RASAL3: variants seen among roughly 807,000 people sequenced by gnomAD.
The protein encoded by RASAL3 is RAS protein activator like-3.
Under a neutral mutation model 105.5 loss-of-function variants are expected in RASAL3, and 74 were observed. That is an observed-to-expected ratio of 0.70 (90% CI 0.58 to 0.85). The LOEUF (loss-of-function observed/expected upper bound fraction) is 0.85, where lower values mean the gene tolerates loss of function less well. Among genes scored for constraint, RASAL3 ranks in the 40% least tolerant of loss-of-function variants. The pLI is 0.00. For missense variants in RASAL3, 1,352 were observed against 1,392.0 expected, an observed-to-expected ratio of 0.97 and a Z score of 0.46; for synonymous variants, 579 against 591.6, an observed-to-expected ratio of 0.98 and a Z score of 0.31.
chr19:15,463,335 C>T (rs1390276707), intron 2 of RASAL3, among the ~76,000 whole-genome samples: 1 of 152,054 alleles, frequency 6.6e-6, no homozygotes, highest in Non-Finnish European at 1.5e-5. Flanking sequence ...TCAGGTGATC[C>T]ACCCACCTTG....
At position 15,451,883 on chromosome 19, in the gene RASAL3, T is replaced by C; in HGVS notation, c.2948A>G (p.Gln983Arg). 1 of 1,609,594 alleles carries C rather than the reference T, an allele frequency of 6.2e-7. No homozygotes were observed. ...CGTCCTTGGAGAAAGCTGCAGGCTC[T>C]GGACAGCATCCCTCAGCTGAGCCTG... is the stretch of plus-strand genomic sequence containing the variant. ...RTQAQLRDAV[Q>R]SLQLSPRTRG... The change falls in exon 18 of 18, where the codon CAG becomes CGG. Residue 983 changes from glutamine (Q) to arginine (R), a missense_variant. Around this residue, in one of 3 missense-constraint regions of RASAL3, gnomAD observed 920 missense variants for 919.6 expected, o/e 1.00. Transcript: ENST00000343625.
Position 15,451,670 on chromosome 19 carries a change from T to G in RASAL3, c.*125A>C. Reference sequence around the variant, plus strand: ...ACTGGGCAACTTCATACTGCCAGAGTGGTTGGGACCAGCAGCTCCACTCCC... The same window carrying G: ...ACTGGGCAACTTCATACTGCCAGAGGGGTTGGGACCAGCAGCTCCACTCCC... On this transcript the variant is annotated 3_prime_UTR_variant, in exon 18 of 18. Transcript: ENST00000343625. 1 of 985,130 alleles carries G rather than the reference T, an allele frequency of 1.0e-6. No homozygotes were observed. 61.0% of individuals were successfully genotyped at this position (985,130 alleles called of 1,614,324 possible). A position where few individuals can be genotyped will look rare whatever the true frequency, so the allele number is the denominator to read the frequency against.
chr19:15,458,115 A>G, intron 8 of RASAL3: 1 of 630,172 alleles, frequency 1.6e-6, no homozygotes, highest in Non-Finnish European at 2.8e-6. Flanking sequence ...CTTTGGGTGC[A>G]TATGGGGCCG....
At position 15,454,730 on chromosome 19, in the gene RASAL3, G is replaced by A. The variant is rs762196872; in HGVS notation, c.1885C>T (p.His629Tyr). 12 of 1,610,156 alleles carry A rather than the reference G, an allele frequency of 7.5e-6. No homozygotes were observed. The Admixed American group carries it at 1.7e-4, about 23-fold the overall frequency. ...GTGCGGGCTGGGCCGGGTGCTGGAT[G>A]GTCTGGTGCCAAACCAAAGAGGCTG... ...APSLFGLAPD[H>Y]PAPGPARTLT... is the part of the protein sequence containing the mutation. The change falls in exon 12 of 18, where the codon CAT becomes TAT. Residue 629 changes from histidine to tyrosine, a missense_variant. Transcript: ENST00000343625.
intron 16 of RASAL3, 70 bp from the exon 17 acceptor site, chr19:15,452,178 G>C: frequency 6.7e-7 from 1 of 1,502,274 alleles, no homozygotes; most frequent in Non-Finnish European, 9.3e-7. Context: ...TGGTGGGAGT[G>C]CCAGGGACTC....
intron 5 of RASAL3, 143 bp downstream of exon 5, chr19:15,460,917 C>A: frequency 1.4e-6 from 1 of 737,286 alleles, no homozygotes. Flanking sequence ...ATTTCATTAG[C>A]TTCATTTGAC....
chr19:15,462,765 A>C (rs1970549865), intron 2 of RASAL3, among the ~76,000 whole-genome samples: 1 of 152,062 alleles, frequency 6.6e-6, no homozygotes, highest in Non-Finnish European at 1.5e-5. Flanking sequence ...ATTCTGGTTA[A>C]CACAGTGAAA....
At chr19:15,461,693 G>T in intron 2 of RASAL3, 86 bp from the exon 3 acceptor site, 1 of 1,422,698 alleles carries the variant, frequency 7.0e-7, no homozygotes, top group Non-Finnish European at 9.2e-7. Context: ...GCTCATGGTG[G>T]GTTCCCTCCT....
intron 16 of RASAL3, 31 bp downstream of exon 16, chr19:15,452,627 G>A (rs1247804377): frequency 2.3e-5 from 34 of 1,496,598 alleles, no homozygotes; most frequent in Non-Finnish European, 3.0e-5. Context: ...GCCCACCTGG[G>A]GGCGGAGCTA....
Position 15,457,148 on chromosome 19 carries a change from G to C in RASAL3, c.1431+144C>G. ...TCTAGGTGCCCCGCCGCTTACAGGTGACACTTGGACCACGCCCCTCACACC... is the reference window on the plus strand; with the variant it reads ...TCTAGGTGCCCCGCCGCTTACAGGTCACACTTGGACCACGCCCCTCACACC... On this transcript the variant is annotated intron_variant, in intron 9 of 17. Transcript: ENST00000343625. The surrounding 1 kb of genome is among the most constrained non-coding windows in gnomAD (Gnocchi z 8.6). 1 of 683,920 alleles carries C rather than the reference G, an allele frequency of 1.5e-6. No homozygotes were observed. Among genetic ancestry groups the C allele is most frequent in the Non-Finnish European group, 2.1e-6 (1 of 483,972 alleles). The allele number at this position is 683,920 out of a possible 1,614,324, so 42.4% of individuals were successfully genotyped here.
In RASAL3 at chr19:15,457,129, T is replaced by C. The variant is rs74660688; in HGVS notation, c.1431+163A>G. On this transcript the variant is annotated intron_variant, in intron 9 of 17. Coordinates refer to ENST00000343625, the MANE Select transcript of RASAL3 (RefSeq NM_022904.3). The surrounding 1 kb of genome is among the most constrained non-coding windows in gnomAD (Gnocchi z 8.6). ...CTTCTAGGTGCCCCGCCCTTCTAGG[T>C]GCCCCGCCGCTTACAGGTGACACTT... Among the ~76,000 whole-genome samples, 15,722 of 151,652 alleles carry C rather than the reference T, an allele frequency of 0.1. 1,020 individuals carry two copies. Among genetic ancestry groups the C allele is most frequent in the African/African-American group, 0.18 (7,579 of 41,316 alleles).
intron 2 of RASAL3, among the ~76,000 whole-genome samples, chr19:15,462,690 C>T (rs1213779651): frequency 6.6e-6 from 1 of 152,024 alleles, no homozygotes; most frequent in Admixed American, 6.6e-5. Flanking sequence ...CGGTGGCTCA[C>T]GCCTGTAATC....
Position 15,457,976 on chromosome 19 carries a change from C to A in RASAL3, c.889-142G>T. The A allele has an allele frequency of 1.0e-6, 1 of 969,390 alleles. No homozygotes were observed. Among genetic ancestry groups the A allele is most frequent in the Non-Finnish European group, 1.5e-6 (1 of 662,950 alleles). 60.0% of individuals were successfully genotyped at this position (969,390 alleles called of 1,614,324 possible). A position where few individuals can be genotyped will look rare whatever the true frequency, so the allele number is the denominator to read the frequency against. On this transcript the variant is annotated intron_variant, in intron 8 of 17. Transcript: ENST00000343625. The surrounding 1 kb of genome is among the most constrained non-coding windows in gnomAD (Gnocchi z 8.6). ...TGGGCCTTTGGGGAAAGAAGTGGAG[C>A]CACGGGAGTCCGGAGGCGGTTACGC...
intron 2 of RASAL3, 38 bp downstream of exon 2, chr19:15,463,993 C>T (rs1258222992): frequency 3.3e-6 from 5 of 1,505,672 alleles, no homozygotes; most frequent in Non-Finnish European, 4.4e-6. Flanking sequence ...ATCCGGCTTC[C>T]CAGCCCGGCC....
chr19:15,452,941 C>T, intron 15 of RASAL3, 126 bp from the exon 16 acceptor site: 3 of 1,460,080 alleles, frequency 2.1e-6, no homozygotes, highest in Admixed American at 2.2e-5. Flanking sequence ...AACATCCCTC[C>T]TGCGGTACAG....
chr19:15,464,362 TGGGGG>T lies in RASAL3; in HGVS notation c.-9_-5del. On this transcript the variant is annotated 5_prime_UTR_variant, in exon 2 of 18. Transcript: ENST00000343625. The stretch of plus-strand genomic sequence containing the variant: ...GGCTTGGCGACGGTGGGTCCATGGT[TGGGGG>T]GGGGGGTCTCCTGGGGGACGAGAGA... 9.0e-6 allele frequency: 9 copies of T among 1,005,550 alleles called. No individual in the cohort carries two copies. The highest frequency in any genetic ancestry group is 2.3e-5 in the African/African-American group (1 of 44,028). The allele number at this position is 1,005,550 out of a possible 1,614,324, so 62.3% of individuals were successfully genotyped here.
chr19:15,458,553 G>A lies in RASAL3; in HGVS notation c.765C>T (p.Leu255=), dbSNP rs759177158. The change falls in exon 7 of 18, where the codon CTC becomes CTT. Residue 255 remains leucine, a synonymous_variant. Coordinates refer to ENST00000343625, the MANE Select transcript of RASAL3 (RefSeq NM_022904.3). ...CCTGAAAGCAGTGGGGCTCCCCCAG[G>A]AGGCTGGGGTGCAGTGGCCAGATCC... ...DVRIWPLHPS[L]LGEPHCFQVT... is the part of the protein sequence containing the mutation. 4.3e-6 allele frequency: 7 copies of A among 1,613,708 alleles called. No individual in the cohort carries two copies. The highest frequency in any genetic ancestry group is 5.9e-6 in the Non-Finnish European group (7 of 1,179,824).
rs1264246916 is a variant in RASAL3, at chr19:15,452,670, C to G, written c.2816G>C (p.Arg939Thr). 8 of 1,548,688 alleles carry G rather than the reference C, an allele frequency of 5.2e-6. No individual in the cohort carries two copies. Among genetic ancestry groups the G allele is most frequent in the African/African-American group, 2.7e-5 (2 of 72,966 alleles). Residue 939 changes from arginine (R) to threonine (T), a missense_variant, in exon 16 of 18, where the codon AGG (arginine) becomes ACG (threonine). This residue lies in a region of RASAL3 where 920 missense variants were observed against 919.6 expected (regional missense o/e 1.00). Coordinates refer to ENST00000343625, the MANE Select transcript of RASAL3 (RefSeq NM_022904.3). ...GGGCTGGGCTCACCCAGCACGGAGCCTGGAGTCCAGATCCTGCAGCTGGCC... is the reference window on the plus strand; with the variant it reads ...GGGCTGGGCTCACCCAGCACGGAGCGTGGAGTCCAGATCCTGCAGCTGGCC... ...LRGQLQDLDSRLRAGSSEFDS... is the reference protein window; with the variant it reads ...LRGQLQDLDSTLRAGSSEFDS...
chr19:15,454,403 G>C lies in RASAL3; in HGVS notation c.2118C>G (p.Val706=). 1 of 1,613,876 alleles carries C rather than the reference G, an allele frequency of 6.2e-7. No individual in the cohort carries two copies. The highest frequency in any genetic ancestry group is 8.5e-7 in the Non-Finnish European group (1 of 1,179,828). ...GSGDLALQLA[V]LHAQLCTIFA... Reference sequence around the variant, plus strand: ...AAATTGTACAGAGCTGGGCATGCAGGACAGCTAACTGGAGGGCCAGATCAC... The same window carrying C: ...AAATTGTACAGAGCTGGGCATGCAGCACAGCTAACTGGAGGGCCAGATCAC... The change falls in exon 13 of 18, where the codon GTC becomes GTG. Residue 706 remains valine (V), a synonymous_variant. Coordinates refer to ENST00000343625, the MANE Select transcript of RASAL3 (RefSeq NM_022904.3).
Sources: gnomAD v4.1 joint callset for allele counts (sites outside exome capture counted in the v4.1 genomes callset) on GRCh38, gnomAD v4.1.1 for gene constraint, gnomAD v4.1.1 regional missense constraint, Gnocchi (gnomAD v3.1) non-coding constraint, MANE v1.5 for transcripts, NCBI Gene and HGNC (gene_info 2026-07-23, HGNC 2026-07-21) for gene names.